Variants in OPCML observed in about 807,000 individuals in gnomAD.
OPCML encodes opioid binding protein/cell adhesion molecule like.
OPCML carries 13 observed loss-of-function variants against 37.8 expected under a neutral mutation model. The ratio of observed to expected loss-of-function variants is 0.34; its 90% CI spans 0.22 to 0.55. The LOEUF (loss-of-function observed/expected upper bound fraction) is 0.55. Among genes scored for constraint, OPCML ranks in the 20% least tolerant of loss-of-function variants. The probability of loss-of-function intolerance (pLI) is 0.91; values close to 1 mark genes in which losing one functional copy is unlikely to be tolerated. For missense variants in OPCML, 341 were observed against 435.6 expected (o/e 0.78, Z 1.93); for synonymous variants, 176 against 168.8 (o/e 1.04, Z -0.33).
intron 2 of OPCML, among the ~76,000 whole-genome samples, chr11:132,710,131 C>T (rs919088369): frequency 3.3e-5 from 5 of 152,114 alleles, no homozygotes; most frequent in Admixed American, 3.3e-4. Flanking sequence ...CTGAAAAAGG[C>T]AAAGACCTGG....
At chr11:133,370,937 T>A (rs1390929742) in intron 1 of OPCML, among the ~76,000 whole-genome samples, 2 of 152,208 alleles carry the variant, frequency 1.3e-5, no homozygotes, top group African/African-American at 4.8e-5. Context: ...AAGGGACTAA[T>A]ATTCAGAATA....
At chr11:132,592,020 G>C (rs1334613533) in intron 3 of OPCML, among the ~76,000 whole-genome samples, 2 of 152,192 alleles carry the variant, frequency 1.3e-5, no homozygotes, top group African/African-American at 4.8e-5. Flanking sequence ...CTGTTTCTAG[G>C]CAAGTGTCCT....
chr11:133,510,902 C>A (rs796735984), intron 1 of OPCML, among the ~76,000 whole-genome samples: 2 of 136,390 alleles, frequency 1.5e-5, no homozygotes, highest in Non-Finnish European at 2.9e-5. Flanking sequence ...CACACACACA[C>A]GCACACACAC....
chr11:132,469,182 A>G (rs1009356956), intron 4 of OPCML, among the ~76,000 whole-genome samples: 2 of 152,242 alleles, frequency 1.3e-5, no homozygotes, highest in Non-Finnish European at 2.9e-5. Context: ...TATGAAATTT[A>G]TAGTCTAGTG....
intron 1 of OPCML, among the ~76,000 whole-genome samples, chr11:133,266,952 C>G (rs1290804582): frequency 2.6e-5 from 4 of 152,152 alleles, no homozygotes; most frequent in Admixed American, 2.6e-4. Flanking sequence ...TAAATTTAAT[C>G]TCAGAGACTT....
chr11:132,947,729 C>G (rs1214962395), intron 1 of OPCML, among the ~76,000 whole-genome samples: 3 of 152,210 alleles, frequency 2.0e-5, no homozygotes, highest in African/African-American at 7.2e-5. Flanking sequence ...GGCTGAGTAT[C>G]ATGACACGGT....
intron 1 of OPCML, among the ~76,000 whole-genome samples, chr11:133,238,630 G>C (rs1371700711): frequency 6.6e-6 from 1 of 151,978 alleles, no homozygotes; most frequent in Non-Finnish European, 1.5e-5. Context: ...TTCTTCCCTG[G>C]TCATCAGAGC....
At chr11:132,935,484 T>A (rs566638530) in intron 2 of OPCML, among the ~76,000 whole-genome samples, 2 of 152,314 alleles carry the variant, frequency 1.3e-5, no homozygotes, top group South Asian at 4.1e-4. Flanking sequence ...TTTATGATGA[T>A]TATGCAGTGG....
chr11:133,011,492 C>G (rs1947213026), intron 1 of OPCML, among the ~76,000 whole-genome samples: 1 of 152,050 alleles, frequency 6.6e-6, no homozygotes, highest in Non-Finnish European at 1.5e-5. Context: ...ATGATTTTAC[C>G]CAGAGTTGAC....
intron 1 of OPCML, among the ~76,000 whole-genome samples, chr11:133,319,191 T>C (rs1943273027): frequency 6.6e-6 from 1 of 152,352 alleles, no homozygotes; most frequent in Admixed American, 6.5e-5. Context: ...GAGTCTGTTC[T>C]TTTGGTGTCT....
intron 1 of OPCML, among the ~76,000 whole-genome samples, chr11:133,525,331 C>A (rs1408693207): frequency 6.6e-6 from 1 of 152,036 alleles, no homozygotes; most frequent in African/African-American, 2.4e-5. Context: ...CAGGTGAAGC[C>A]CTTGAGGAAG....
chr11:132,909,598 T>G (rs1944356670), intron 2 of OPCML, among the ~76,000 whole-genome samples: 2 of 152,286 alleles, frequency 1.3e-5, no homozygotes, highest in South Asian at 4.1e-4. Flanking sequence ...TTCAGTCCGT[T>G]GTGGAGAGGG....
chr11:133,314,104 G>A (rs1054721860), intron 1 of OPCML, among the ~76,000 whole-genome samples: 22 of 146,026 alleles, frequency 1.5e-4, no homozygotes, highest in East Asian at 1.1e-3. Context: ...GCGTAGTGGC[G>A]GGCGCCTGTA....
chr11:132,512,582 C>T (rs2096271141), intron 4 of OPCML, among the ~76,000 whole-genome samples: 2 of 151,766 alleles, frequency 1.3e-5, no homozygotes, highest in African/African-American at 4.8e-5. Context: ...AATCCAGAAA[C>T]AAGAGTATAT....
intron 1 of OPCML, among the ~76,000 whole-genome samples, chr11:133,288,550 C>T (rs1439112510): frequency 2.0e-5 from 3 of 152,164 alleles, no homozygotes; most frequent in South Asian, 2.1e-4. Flanking sequence ...GGCCACAGCT[C>T]ACATAAGAGG....
chr11:132,801,825 T>A (rs1425785787), intron 2 of OPCML, among the ~76,000 whole-genome samples: 2 of 152,218 alleles, frequency 1.3e-5, no homozygotes, highest in Non-Finnish European at 2.9e-5. Flanking sequence ...CATACAGTAT[T>A]CTATGTGCTT....
chr11:133,315,569 C>T (rs941327919), intron 1 of OPCML, among the ~76,000 whole-genome samples: 2 of 152,324 alleles, frequency 1.3e-5, no homozygotes, highest in African/African-American at 4.8e-5. Flanking sequence ...AAGGCCAAAG[C>T]GGGTGGATTA....
At chr11:133,140,531 T>TAATAATAATAATAATAATAAGAAGAAG (rs1272061685) in intron 1 of OPCML, among the ~76,000 whole-genome samples, 28 of 88,102 alleles carry the variant, frequency 3.2e-4, no homozygotes, top group Middle Eastern at 6.8e-3. Flanking sequence ...ATAATAATAA[T>TAATAATAATAATAATAATAAGAAGAAG]AAGAAGAAGA....
Position 132,970,279 on chromosome 11 carries a change from T to C in OPCML, c.62-27269A>G, listed in dbSNP as rs532904581. Among the ~76,000 whole-genome samples the C allele has an allele frequency of 2.0e-5, 3 of 152,328 alleles. No individual in the cohort carries two copies. In the East Asian group the frequency reaches 5.8e-4, roughly 29 times the overall value. On this transcript the variant is annotated intron_variant, in intron 1 of 7. Coordinates refer to ENST00000524381, the MANE Select transcript of OPCML (RefSeq NM_001012393.5). ...AAGAATTATATAGGCACATACGAAA[T>C]ATTTTATTTATACTCAGAGAAGTTT...
Sources: gnomAD v4.1 joint callset for allele counts (sites outside exome capture counted in the v4.1 genomes callset) on GRCh38, gnomAD v4.1.1 for gene constraint, MANE v1.5 for transcripts, NCBI Gene and HGNC (gene_info 2026-07-23, HGNC 2026-07-21) for gene names.